The following SMOC2 variants were observed in gnomAD, a reference collection of about 807,000 sequenced individuals.
The protein encoded by SMOC2 is SPARC-related modular calcium-binding protein 2.
A neutral mutation model predicts 61.4 loss-of-function variants in SMOC2; 39 were observed. That is an observed-to-expected ratio of 0.64 (90% CI 0.49 to 0.83). SMOC2 has a LOEUF of 0.83. Among genes scored for constraint, SMOC2 ranks in the 40% least tolerant of loss-of-function variants. The probability of loss-of-function intolerance (pLI) is 0.00; values close to 1 mark genes in which losing one functional copy is unlikely to be tolerated. For missense variants in SMOC2, 556 were observed against 592.9 expected (o/e 0.94, Z 0.65); for synonymous variants, 247 against 239.9 (o/e 1.03, Z -0.27).
At chr6:168,642,422 C>A (rs762768945) in intron 9 of SMOC2, among the ~76,000 whole-genome samples, 1 of 152,226 alleles carries the variant, frequency 6.6e-6, no homozygotes, top group African/African-American at 2.4e-5. Context: ...ACAACGTACA[C>A]AGAAACCTTT....
chr6:168,603,128 A>T (rs1402204987), intron 8 of SMOC2, among the ~76,000 whole-genome samples: 2 of 143,090 alleles, frequency 1.4e-5, no homozygotes, highest in South Asian at 2.3e-4. Flanking sequence ...CCCTGCTTGC[A>T]CTCACTCCAT....
chr6:168,549,387 G>C (rs1178086896), intron 7 of SMOC2, among the ~76,000 whole-genome samples, 184 bp downstream of exon 7: 1 of 152,064 alleles, frequency 6.6e-6, no homozygotes, highest in Non-Finnish European at 1.5e-5. Flanking sequence ...ATAACCTCTT[G>C]TAGACTGGCA....
intron 9 of SMOC2, among the ~76,000 whole-genome samples, chr6:168,616,274 G>C (rs1786090794): frequency 6.6e-6 from 1 of 152,248 alleles, no homozygotes; most frequent in African/African-American, 2.4e-5. Context: ...CTGGGGATGT[G>C]AGTAGTTAGG....
intron 8 of SMOC2, among the ~76,000 whole-genome samples, chr6:168,607,446 C>T (rs1341105187): frequency 1.3e-5 from 2 of 152,200 alleles, no homozygotes; most frequent in Non-Finnish European, 2.9e-5. Context: ...ACTGCCAATT[C>T]AGTAGTACCA....
At chr6:168,566,545 T>C (rs1399393514) in intron 7 of SMOC2, among the ~76,000 whole-genome samples, 1 of 147,256 alleles carries the variant, frequency 6.8e-6, no homozygotes, top group Admixed American at 7.0e-5. Context: ...TGCAATGGTG[T>C]GATCTCGGCT....
At chr6:168,509,821 C>T in intron 1 of SMOC2, 94 bp from the exon 2 acceptor site, 1 of 1,294,652 alleles carries the variant, frequency 7.7e-7, no homozygotes, top group East Asian at 2.4e-5. Context: ...CTTTCATTCC[C>T]TGACCGTGAA....
At chr6:168,530,803 C>T (rs1398118259) in intron 4 of SMOC2, among the ~76,000 whole-genome samples, 2 of 152,138 alleles carry the variant, frequency 1.3e-5, no homozygotes, top group Non-Finnish European at 2.9e-5. Flanking sequence ...CCAGCTCTTC[C>T]ATTCCGGGAG....
intron 9 of SMOC2, among the ~76,000 whole-genome samples, chr6:168,639,932 G>A (rs1370436405): frequency 2.0e-5 from 3 of 152,226 alleles, no homozygotes; most frequent in South Asian, 4.1e-4. Context: ...CTCGGTTCAT[G>A]TGCAGATCTC....
chr6:168,505,559 A>C (rs1782855392), intron 1 of SMOC2, among the ~76,000 whole-genome samples: 1 of 152,142 alleles, frequency 6.6e-6, no homozygotes, highest in African/African-American at 2.4e-5. Flanking sequence ...TGGATGAATG[A>C]GTGAATGGAA....
intron 7 of SMOC2, among the ~76,000 whole-genome samples, chr6:168,572,709 C>G (rs376662581): frequency 1.3e-4 from 4 of 29,792 alleles, no homozygotes; most frequent in Admixed American, 5.5e-4. Flanking sequence ...GGGCTGCGTG[C>G]TCCCTGAACG....
chr6:168,656,852 G>A (rs757735590), intron 11 of SMOC2, among the ~76,000 whole-genome samples: 32 of 152,218 alleles, frequency 2.1e-4, no homozygotes, highest in African/African-American at 3.1e-4. Flanking sequence ...ACGTCCTGCC[G>A]TCCTGATGAT....
chr6:168,490,348 C>G (rs570019015), intron 1 of SMOC2, among the ~76,000 whole-genome samples: 1 of 152,170 alleles, frequency 6.6e-6, no homozygotes. Context: ...ACAGAGACTC[C>G]AGCCATCATT....
chr6:168,531,678 C>T (rs994879406), intron 4 of SMOC2, among the ~76,000 whole-genome samples: 3 of 152,206 alleles, frequency 2.0e-5, no homozygotes, highest in African/African-American at 7.2e-5. Context: ...AGCCATGGCT[C>T]ACATTCGCCA....
chr6:168,622,756 G>A (rs976590220), intron 9 of SMOC2, among the ~76,000 whole-genome samples: 1 of 151,884 alleles, frequency 6.6e-6, no homozygotes, highest in African/African-American at 2.4e-5. Context: ...TCCTTCACAG[G>A]GGGGAAGCTG....
intron 9 of SMOC2, among the ~76,000 whole-genome samples, chr6:168,615,340 A>G (rs867412004): frequency 0.069 from 1,075 of 15,582 alleles, 12 homozygotes; most frequent in Admixed American, 0.16. Context: ...CAGCCAGCAC[A>G]GGGCCTCTTC....
chr6:168,640,955 C>T (rs1464228564), intron 9 of SMOC2, among the ~76,000 whole-genome samples: 1 of 152,168 alleles, frequency 6.6e-6, no homozygotes, highest in Non-Finnish European at 1.5e-5. Context: ...AGCAACCTGC[C>T]AGGGCCAGTT....
At chr6:168,518,987 G>C (rs957055782) in intron 2 of SMOC2, among the ~76,000 whole-genome samples, 1 of 150,790 alleles carries the variant, frequency 6.6e-6, no homozygotes, top group African/African-American at 2.4e-5. Flanking sequence ...ATGCATGCGT[G>C]TGTATGCGTG....
chr6:168,506,560 CAT>C (rs1782875208), intron 1 of SMOC2, among the ~76,000 whole-genome samples: 1 of 152,178 alleles, frequency 6.6e-6, no homozygotes, highest in Non-Finnish European at 1.5e-5. Flanking sequence ...TAAGAAGAAA[CAT>C]AGACCATGAC....
chr6:168,616,903 A>G lies in SMOC2; in HGVS notation c.907+8664A>G, dbSNP rs59954481. Among the ~76,000 whole-genome samples, 805 of 152,306 alleles carry G rather than the reference A, an allele frequency of 5.3e-3. 4 individuals carry two copies. Among genetic ancestry groups the G allele is most frequent in the African/African-American group, 0.018 (752 of 41,554 alleles). ...TGCCGCTGCACTGCGGGGGGGTTGC[A>G]GGGAGCTCCTCCAGCAGCTGAGGGA... is the stretch of plus-strand genomic sequence containing the variant. On this transcript the variant is annotated intron_variant, in intron 9 of 12. Transcript: ENST00000356284.
Sources: allele counts gnomAD v4.1 joint callset (sites outside exome capture counted in the v4.1 genomes callset), GRCh38; gene constraint gnomAD v4.1.1; transcripts MANE v1.5; gene names NCBI Gene and HGNC (gene_info 2026-07-23, HGNC 2026-07-21).